The following KNL1 variants were observed in gnomAD, a reference collection of about 807,000 sequenced individuals.
The protein encoded by KNL1 is outer kinetochore KNL1 complex subunit KNL1.
KNL1 carries 66 observed loss-of-function variants against 201.3 expected under a neutral mutation model. The ratio of observed to expected loss-of-function variants is 0.33; its 90% CI spans 0.27 to 0.40. The LOEUF (loss-of-function observed/expected upper bound fraction) is 0.40, where lower values mean the gene tolerates loss of function less well. KNL1 is among the 10% of genes least tolerant of loss of function. KNL1 has a pLI of 1.00. For synonymous variants in KNL1, 895 were observed against 899.2 expected (o/e 1.00, Z 0.08); for missense variants, 2,815 against 2,690.5 (o/e 1.05, Z -1.02).
chr15:40,646,880 A>ATT, intron 16 of KNL1, 107 bp from the exon 17 acceptor site: 1 of 396,382 alleles, frequency 2.5e-6, no homozygotes, highest in Non-Finnish European at 4.7e-6. Flanking sequence ...AAAAAAAAAG[A>ATT]TTTGCCTGTT....
rs766331219 is a variant in KNL1, at chr15:40,657,437, A to G, written c.6677A>G (p.Asn2226Ser). ...GAGTATTTAAAGAGATGGGGACCAA[A>G]TTATAACCTAATGAACATAGATATT... ...EIEYLKRWGPNYNLMNIDINN... is the reference protein window; with the variant it reads ...EIEYLKRWGPSYNLMNIDINN... Residue 2226 changes from asparagine (N) to serine (S), a missense_variant, in exon 24 of 26, where the codon AAT becomes AGT. Asn to Ser is a conservative substitution (Grantham distance 46, BLOSUM62 1). Coordinates refer to ENST00000399668, the MANE Select transcript of KNL1 (RefSeq NM_144508.5). The G allele has an allele frequency of 1.3e-6, 2 of 1,570,728 alleles. No individual in the cohort carries two copies. The highest frequency in any genetic ancestry group is 8.8e-7 in the Non-Finnish European group (1 of 1,140,466).
At chr15:40,609,202 G>A (rs139217737) in intron 5 of KNL1, among the ~76,000 whole-genome samples, 17 of 142,416 alleles carry the variant, frequency 1.2e-4, no homozygotes, top group African/African-American at 4.0e-4. Context: ...GAGGCCAATA[G>A]TTCGAGACTA....
At chr15:40,613,837 A>T (rs1454428355) in intron 7 of KNL1, among the ~76,000 whole-genome samples, 1 of 151,578 alleles carries the variant, frequency 6.6e-6, no homozygotes, top group East Asian at 1.9e-4. Flanking sequence ...TCGCTCCGTC[A>T]CCCAGGCTGG....
At chr15:40,632,917 C>T (rs372311198) in intron 13 of KNL1, among the ~76,000 whole-genome samples, 11 of 152,066 alleles carry the variant, frequency 7.2e-5, no homozygotes, top group East Asian at 3.9e-4. Context: ...AAATAAAATA[C>T]GACCCAATTT....
chr15:40,641,701 T>G (rs963030698), intron 14 of KNL1, among the ~76,000 whole-genome samples: 1 of 152,236 alleles, frequency 6.6e-6, no homozygotes, highest in Non-Finnish European at 1.5e-5. Context: ...CCGCAAGGTA[T>G]CTCTTATATC....
chr15:40,657,101 G>A lies in KNL1; in HGVS notation c.6544G>A (p.Glu2182Lys). The A allele has an allele frequency of 6.2e-7, 1 of 1,610,016 alleles. No homozygotes were observed. Among genetic ancestry groups the A allele is most frequent in the Non-Finnish European group, 8.5e-7 (1 of 1,178,182 alleles). ...VHKLIFQYVE[E>K]KESWKKTCTT... Reference sequence around the variant, plus strand: ...TAAGCTTATTTTCCAGTACGTTGAAGAAAAGGAATCCTGGAAGAAGACATG... The same window carrying A: ...TAAGCTTATTTTCCAGTACGTTGAAAAAAAGGAATCCTGGAAGAAGACATG... Residue 2182 changes from glutamate to lysine, a missense_variant, in exon 23 of 26, where the codon GAA becomes AAA. Physicochemically the swap from Glu to Lys is moderately conservative, Grantham distance 56. This residue lies in a region of KNL1 where 334 missense variants were observed against 362.6 expected (regional missense o/e 0.92). Transcript: ENST00000399668.
chr15:40,655,915 CAAAA>C (rs201727545), intron 22 of KNL1, among the ~76,000 whole-genome samples: 6 of 65,226 alleles, frequency 9.2e-5, no homozygotes, highest in Non-Finnish European at 2.0e-4. Context: ...GACTCCGTCT[CAAAA>C]AAAAAAAAAA....
At chr15:40,654,845 G>A (rs1218192270) in intron 21 of KNL1, 64 bp from the exon 22 acceptor site, 7 of 1,239,684 alleles carry the variant, frequency 5.6e-6, no homozygotes, top group East Asian at 4.7e-5. Context: ...CTCCAGCCTG[G>A]GAGACAAAGT....
At chr15:40,613,050 G>A (rs1370706820) in intron 7 of KNL1, among the ~76,000 whole-genome samples, 1 of 152,104 alleles carries the variant, frequency 6.6e-6, no homozygotes, top group East Asian at 1.9e-4. Context: ...AATAGTAAAC[G>A]TTGTGAAAGG....
chr15:40,620,052 C>T (rs552127743), intron 9 of KNL1, among the ~76,000 whole-genome samples: 1 of 152,304 alleles, frequency 6.6e-6, no homozygotes, highest in South Asian at 2.1e-4. Context: ...CCTCAGCCTT[C>T]CTAGTAGCTA....
intron 9 of KNL1, among the ~76,000 whole-genome samples, chr15:40,619,675 A>C (rs1892452570): frequency 6.6e-6 from 1 of 152,084 alleles, no homozygotes; most frequent in African/African-American, 2.4e-5. Flanking sequence ...AAGTGCTGGG[A>C]TTACAAGTGT....
rs200670946 is a variant in KNL1, at chr15:40,660,701, G to A, written c.6836+1240G>A. Among the ~76,000 whole-genome samples, 19 of 151,728 alleles carry A rather than the reference G, an allele frequency of 1.3e-4. No homozygotes were observed. The East Asian group carries it at 3.7e-3, about 29-fold the overall frequency. On this transcript the variant is annotated intron_variant, in intron 25 of 25. Coordinates refer to ENST00000399668, the MANE Select transcript of KNL1 (RefSeq NM_144508.5). Reference sequence around the variant, plus strand: ...AAAAAAAAAAGTGCAGGATACGATGGCTCACGCCTTTAAGCCCAGCACTTT... The same window carrying A: ...AAAAAAAAAAGTGCAGGATACGATGACTCACGCCTTTAAGCCCAGCACTTT...
intron 1 of KNL1, among the ~76,000 whole-genome samples, chr15:40,602,525 C>G (rs1168618800): frequency 1.8e-5 from 2 of 112,006 alleles, no homozygotes; most frequent in African/African-American, 6.9e-5. Context: ...TTGCTCTTGT[C>G]GCCCAGGCTG....
In KNL1 at chr15:40,624,644, C is replaced by T. The variant is rs1315801040; in HGVS notation, c.4380C>T (p.Ile1460=). Residue 1460 remains isoleucine (I), a synonymous_variant, in exon 10 of 26, where the codon ATC becomes ATT. Transcript: ENST00000399668. ...PPLPKKGQSS[I]NKEEVILSKA... ...TACCTAAAAAAGGACAGAGTAGTAT[C>T]AATAAAGAAGAAGTAATACTGTCTA... 3 of 1,613,650 alleles carry T rather than the reference C, an allele frequency of 1.9e-6. No individual in the cohort carries two copies. The highest frequency in any genetic ancestry group is 3.3e-5 in the Admixed American group (2 of 59,974).
intron 10 of KNL1, chr15:40,625,999 T>G: frequency 5.7e-6 from 1 of 175,590 alleles, no homozygotes; most frequent in Non-Finnish European, 1.2e-5. Context: ...AGGTTATATA[T>G]AGCTTGAAAA....
chr15:40,610,749 A>AATTT lies in KNL1; in HGVS notation c.250+469_250+472dup, dbSNP rs759365655. 4.0e-5 allele frequency: 18 copies of AATTT among 455,260 alleles called. No homozygotes were observed. The Middle Eastern group carries it at 1.6e-3, about 40-fold the overall frequency. The allele number at this position is 455,260 out of a possible 1,614,324, so 28.2% of individuals were successfully genotyped here. A position where few individuals can be genotyped will look rare whatever the true frequency, so the allele number is the denominator to read the frequency against. Reference sequence around the variant, plus strand: ...TAGAGAGTAGAGTGGATAGTAAGTAAATTTATTTATTTATTTATTTTGAGA... The same window carrying AATTT: ...TAGAGAGTAGAGTGGATAGTAAGTAAATTTATTTATTTATTTATTTATTTTGAGA... On this transcript the variant is annotated intron_variant, in intron 6 of 25. Coordinates refer to ENST00000399668, the MANE Select transcript of KNL1 (RefSeq NM_144508.5).
chr15:40,644,812 A>C (rs1432396847), intron 14 of KNL1, among the ~76,000 whole-genome samples, 185 bp from the exon 15 acceptor site: 1 of 152,236 alleles, frequency 6.6e-6, no homozygotes, highest in Non-Finnish European at 1.5e-5. Context: ...AGGTTGGGTC[A>C]AAGTGGCTGG....
At chr15:40,653,367 T>G (rs1383923745) in intron 21 of KNL1, among the ~76,000 whole-genome samples, 2 of 152,054 alleles carry the variant, frequency 1.3e-5, no homozygotes, top group Non-Finnish European at 2.9e-5. Flanking sequence ...TTTTTTATAT[T>G]TTGTGGGGAT....
At chr15:40,631,819 G>A (rs1393286909) in intron 13 of KNL1, among the ~76,000 whole-genome samples, 2 of 151,884 alleles carry the variant, frequency 1.3e-5, no homozygotes, top group African/African-American at 2.4e-5. Flanking sequence ...GACCAGCCTC[G>A]GGAAAATAGG....
Sources: gnomAD v4.1 joint callset for allele counts (sites outside exome capture counted in the v4.1 genomes callset) on GRCh38, gnomAD v4.1.1 for gene constraint, gnomAD v4.1.1 regional missense constraint, MANE v1.5 for transcripts, NCBI Gene and HGNC (gene_info 2026-07-23, HGNC 2026-07-21) for gene names.